AMBRA1: variants seen among roughly 807,000 people sequenced by gnomAD.
AMBRA1 encodes the protein activating molecule in BECN1-regulated autophagy protein 1.
A neutral mutation model predicts 125.4 loss-of-function variants in AMBRA1; 47 were observed. The observed-to-expected ratio is 0.37, with a 90% CI of 0.30 to 0.48. AMBRA1 has a LOEUF of 0.48. AMBRA1 is among the 20% of genes least tolerant of loss of function. The pLI, the probability that AMBRA1 is intolerant of heterozygous loss-of-function variation, is 0.99. For synonymous variants in AMBRA1, 626 were observed against 655.5 expected (o/e 0.95, Z 0.69); for missense variants, 1,331 against 1,693.4 (o/e 0.79, Z 3.76).
At chr11:46,402,186 G>T (rs1163270900) in intron 17 of AMBRA1, among the ~76,000 whole-genome samples, 1 of 152,134 alleles carries the variant, frequency 6.6e-6, no homozygotes, top group Non-Finnish European at 1.5e-5. Context: ...TGAAGGTCTT[G>T]GACTCAGCTG....
In AMBRA1 at chr11:46,425,360, GTATT is replaced by G. The variant is rs143669055; in HGVS notation, c.2977-7312_2977-7309del. ...TGTGTGTGTGTGTGTGTAAGAAGTA[GTATT>G]TCTCTGTTCAGGACAGGGATTATAT... On this transcript the variant is annotated intron_variant, in intron 14 of 17. Transcript: ENST00000683756. Among the ~76,000 whole-genome samples the G allele has an allele frequency of 6.7e-3, 1,001 of 148,818 alleles. 5 individuals carry two copies. Among genetic ancestry groups the G allele is most frequent in the Non-Finnish European group, 0.01 (704 of 67,178 alleles).
intron 17 of AMBRA1, among the ~76,000 whole-genome samples, chr11:46,403,469 G>C (rs933749448): frequency 1.3e-5 from 2 of 152,248 alleles, no homozygotes; most frequent in African/African-American, 4.8e-5. Flanking sequence ...CATGCTCAGA[G>C]GCAGGGCCTT....
At chr11:46,506,940 C>G (rs1360913161) in intron 9 of AMBRA1, among the ~76,000 whole-genome samples, 1 of 149,378 alleles carries the variant, frequency 6.7e-6, no homozygotes, top group South Asian at 2.1e-4. Flanking sequence ...CCAAGGCAGG[C>G]GGATCACAAG....
intron 12 of AMBRA1, among the ~76,000 whole-genome samples, chr11:46,435,992 C>T (rs983017022): frequency 2.0e-5 from 3 of 152,174 alleles, no homozygotes; most frequent in Non-Finnish European, 2.9e-5. Context: ...ATCATGGGCC[C>T]GGGCAGAACA....
Position 46,397,493 on chromosome 11 carries a change from C to G in AMBRA1, c.3854G>C (p.Arg1285Thr), listed in dbSNP as rs143178975. The change falls in exon 18 of 18, where the codon AGG becomes ACG. Residue 1285 changes from arginine (R) to threonine (T), a missense_variant. By Grantham distance (71) the Arg-to-Thr change is moderately conservative. This residue lies in a region of AMBRA1 where 144 missense variants were observed against 133.9 expected (regional missense o/e 1.08). Coordinates refer to ENST00000683756, the MANE Select transcript of AMBRA1 (RefSeq NM_001387011.1). Reference protein sequence around the residue: ...NNHLLDGGSSRGDAAGPRGEP... With the variant: ...NNHLLDGGSSTGDAAGPRGEP... ...TCCCCTAGGGCCTGCAGCGTCCCCC[C>G]TGCTGCTGCCACCATCCAGAAGGTG... is the stretch of plus-strand genomic sequence containing the variant. 1.1e-4 allele frequency: 165 copies of G among 1,527,110 alleles called. No individual in the cohort carries two copies. Among genetic ancestry groups the G allele is most frequent in the South Asian group, 1.8e-4 (14 of 77,242 alleles). 94.6% of individuals were successfully genotyped at this position (1,527,110 alleles called of 1,614,324 possible). A position where few individuals can be genotyped will look rare whatever the true frequency, so the allele number is the denominator to read the frequency against.
chr11:46,540,500 A>G (rs1952685901), intron 7 of AMBRA1, among the ~76,000 whole-genome samples: 1 of 152,180 alleles, frequency 6.6e-6, no homozygotes, highest in Admixed American at 6.5e-5. Context: ...GGTTTCAAGC[A>G]TATGGGCAGA....
chr11:46,490,163 G>A (rs1950410579), intron 11 of AMBRA1, among the ~76,000 whole-genome samples: 1 of 152,164 alleles, frequency 6.6e-6, no homozygotes, highest in South Asian at 2.1e-4. Context: ...TGTCAGCAGG[G>A]GGAGCTCCTC....
At chr11:46,582,825 C>G (rs1030730887) in intron 1 of AMBRA1, among the ~76,000 whole-genome samples, 2 of 151,556 alleles carry the variant, frequency 1.3e-5, no homozygotes, top group Non-Finnish European at 2.9e-5. Flanking sequence ...TGGTTCTGAT[C>G]AGAACCAATA....
At chr11:46,590,076 A>G (rs1192011014) in intron 1 of AMBRA1, among the ~76,000 whole-genome samples, 1 of 152,058 alleles carries the variant, frequency 6.6e-6, no homozygotes. Flanking sequence ...AAAATTATAC[A>G]GTATAAAAAT....
intron 14 of AMBRA1, among the ~76,000 whole-genome samples, chr11:46,425,548 C>G (rs1415227122): frequency 6.6e-6 from 1 of 151,974 alleles, no homozygotes; most frequent in Non-Finnish European, 1.5e-5. Context: ...TCGGTTAGAA[C>G]TGTGGAAATG....
At chr11:46,581,993 G>A (rs2044191194) in intron 1 of AMBRA1, among the ~76,000 whole-genome samples, 1 of 151,440 alleles carries the variant, frequency 6.6e-6, no homozygotes, top group South Asian at 2.1e-4. Context: ...GTGGGTGCCT[G>A]TAGTCCCAGC....
intron 14 of AMBRA1, chr11:46,429,280 G>A (rs1947334565): frequency 8.7e-6 from 7 of 800,692 alleles, no homozygotes; most frequent in Non-Finnish European, 1.4e-5. Flanking sequence ...CGGTGTGTGG[G>A]GAGTGGGAGA....
chr11:46,484,046 C>T (rs547855105), intron 11 of AMBRA1, among the ~76,000 whole-genome samples: 1 of 152,272 alleles, frequency 6.6e-6, no homozygotes, highest in African/African-American at 2.4e-5. Context: ...CCTGTAAAGA[C>T]AGTCTCTCAT....
At chr11:46,478,648 CTTTTTTTTTTT>C (rs11449187) in intron 11 of AMBRA1, among the ~76,000 whole-genome samples, 5 of 82,168 alleles carry the variant, frequency 6.1e-5, no homozygotes, top group East Asian at 7.6e-4. Flanking sequence ...TCTTTTTTCT[CTTTTTTTTTTT>C]TTTTTTTTTT....
Position 46,493,650 on chromosome 11 carries a change from G to T in AMBRA1, c.2479C>A (p.Pro827Thr). 6.2e-7 allele frequency: 1 copy of T among 1,604,380 alleles called. No individual in the cohort carries two copies. The highest frequency in any genetic ancestry group is 8.5e-7 in the Non-Finnish European group (1 of 1,177,372). The change falls in exon 11 of 18, where the codon CCT (proline) becomes ACT (threonine). Residue 827 changes from proline to threonine, a missense_variant. Pro to Thr is a conservative substitution (Grantham distance 38). Coordinates refer to ENST00000683756, the MANE Select transcript of AMBRA1 (RefSeq NM_001387011.1). ...ACAGAAGAGTGAGTAGCCAAGCCAG[G>T]CTGTCCACGTTCATGAAAAATCCCA... ...YAGIFHERGQ[P>T]GLATHSSVNR...
intron 15 of AMBRA1, among the ~76,000 whole-genome samples, chr11:46,412,537 A>G (rs893859944): frequency 6.6e-6 from 1 of 152,094 alleles, no homozygotes; most frequent in Non-Finnish European, 1.5e-5. Context: ...AAATCTGCCT[A>G]CCTCAGCCTC....
chr11:46,415,875 G>C (rs1946519594), intron 15 of AMBRA1, among the ~76,000 whole-genome samples: 1 of 152,212 alleles, frequency 6.6e-6, no homozygotes, highest in Admixed American at 6.5e-5. Context: ...CAACATATGG[G>C]GAGAAAAGAG....
chr11:46,507,061 C>T (rs1189225147), intron 9 of AMBRA1, among the ~76,000 whole-genome samples: 1 of 148,124 alleles, frequency 6.8e-6, no homozygotes, highest in Non-Finnish European at 1.5e-5. Context: ...CCTGTAGTCC[C>T]AGCTACTCCG....
In AMBRA1 at chr11:46,400,683, C is replaced by T. The variant is rs538696831; in HGVS notation, c.3404-2740G>A. On this transcript the variant is annotated intron_variant, in intron 17 of 17. Coordinates refer to ENST00000683756, the MANE Select transcript of AMBRA1 (RefSeq NM_001387011.1). ...TTTGTACTTTTTGCAGAGACGGTTT[C>T]GCCGTGTTGCCCAGGCTGGTCTTGA... is the stretch of plus-strand genomic sequence containing the variant. Among the ~76,000 whole-genome samples the T allele has an allele frequency of 2.9e-3, 440 of 151,734 alleles. 1 individual carries two copies. Among genetic ancestry groups the T allele is most frequent in the Non-Finnish European group, 4.7e-3 (320 of 67,924 alleles).
Sources: allele counts gnomAD v4.1 joint callset (sites outside exome capture counted in the v4.1 genomes callset), GRCh38; gene constraint gnomAD v4.1.1; regional missense constraint gnomAD v4.1.1; transcripts MANE v1.5; gene names NCBI Gene and HGNC (gene_info 2026-07-23, HGNC 2026-07-21).